SFMBT2: variants seen among roughly 807,000 people sequenced by gnomAD.
The protein encoded by SFMBT2 is scm-like with four MBT domains protein 2.
Under a neutral mutation model 110.1 loss-of-function variants are expected in SFMBT2, and 38 were observed. That is an observed-to-expected ratio of 0.35 (90% CI 0.27 to 0.45). The LOEUF is 0.45. Ranked by LOEUF, SFMBT2 falls within the 20% of genes least tolerant of loss-of-function variation. The probability of loss-of-function intolerance (pLI) is 1.00; values close to 1 mark genes in which losing one functional copy is unlikely to be tolerated. For synonymous variants in SFMBT2, 425 were observed against 425.4 expected (o/e 1.00, Z 0.01); for missense variants, 1,011 against 1,094.9 (o/e 0.92, Z 1.08).
chr10:7,265,573 C>T (rs1841359605), intron 7 of SFMBT2, among the ~76,000 whole-genome samples: 1 of 152,154 alleles, frequency 6.6e-6, no homozygotes, highest in African/African-American at 2.4e-5. Flanking sequence ...TCAGTGCTCT[C>T]AACTCTTTCC....
intron 4 of SFMBT2, among the ~76,000 whole-genome samples, chr10:7,298,049 G>A (rs1842454708): frequency 6.6e-6 from 1 of 152,218 alleles, no homozygotes; most frequent in African/African-American, 2.4e-5. Flanking sequence ...AGGTGGTCGT[G>A]CTGCTGTTGG....
At position 7,170,878 on chromosome 10, in the gene SFMBT2, G is replaced by C; in HGVS notation, c.2544+50C>G. 6.2e-7 allele frequency: 1 copy of C among 1,611,360 alleles called. No individual in the cohort carries two copies. The highest frequency in any genetic ancestry group is 1.1e-5 in the South Asian group (1 of 90,964). Reference sequence around the variant, plus strand: ...CGGCTAGGACACGAGGTTCATTTCAGATGCAGAGTCTCAGCACATCAAACA... The same window carrying C: ...CGGCTAGGACACGAGGTTCATTTCACATGCAGAGTCTCAGCACATCAAACA... On this transcript the variant is annotated intron_variant, in intron 20 of 20. Coordinates refer to ENST00000397167, the MANE Select transcript of SFMBT2 (RefSeq NM_001387889.1). This position sits in a 1 kb window ranked among gnomAD's most constrained non-coding sequence, Gnocchi z 4.6.
chr10:7,228,723 C>CT (rs1275127829), intron 9 of SFMBT2, among the ~76,000 whole-genome samples: 3 of 115,162 alleles, frequency 2.6e-5, no homozygotes, highest in Admixed American at 8.8e-5. Flanking sequence ...TTCTTTCTTT[C>CT]TTTCTTTCTT....
intron 7 of SFMBT2, among the ~76,000 whole-genome samples, chr10:7,254,392 C>G (rs1840926722): frequency 6.6e-6 from 1 of 152,056 alleles, no homozygotes. Context: ...AAGATCCAGA[C>G]TGAGAAGGAA....
Position 7,293,516 on chromosome 10 carries a change from T to C in SFMBT2, c.437-7562A>G, listed in dbSNP as rs1842319871. 1.3e-5 allele frequency among the ~76,000 whole-genome samples: 2 copies of C among 151,842 alleles called. No individual in the cohort carries two copies. Among genetic ancestry groups the C allele is most frequent in the Non-Finnish European group, 2.9e-5 (2 of 67,988 alleles). Reference sequence around the variant, plus strand: ...TGGCCCAAGCACTTGAAGAATGGAGTTGCCCTTTACTGAGATGAGGCAGAT... The same window carrying C: ...TGGCCCAAGCACTTGAAGAATGGAGCTGCCCTTTACTGAGATGAGGCAGAT... On this transcript the variant is annotated intron_variant, in intron 4 of 20. Coordinates refer to ENST00000397167, the MANE Select transcript of SFMBT2 (RefSeq NM_001387889.1). This position sits in a 1 kb window ranked among gnomAD's most constrained non-coding sequence, Gnocchi z 4.6.
At chr10:7,405,855 T>A (rs1846197569) in intron 1 of SFMBT2, among the ~76,000 whole-genome samples, 1 of 98,640 alleles carries the variant, frequency 1.0e-5, no homozygotes, top group Non-Finnish European at 2.0e-5. Flanking sequence ...CTGTCAGGAA[T>A]CTTCCTTAGC....
intron 4 of SFMBT2, among the ~76,000 whole-genome samples, chr10:7,324,874 C>T (rs79310047): frequency 2.2e-3 from 334 of 151,652 alleles, no homozygotes; most frequent in African/African-American, 7.9e-3. Flanking sequence ...TCTCAGGTGC[C>T]TCTTCTTTTA....
At chr10:7,281,188 AT>A (rs1841940578) in intron 6 of SFMBT2, among the ~76,000 whole-genome samples, 1 of 152,174 alleles carries the variant, frequency 6.6e-6, no homozygotes, top group African/African-American at 2.4e-5. Context: ...TGAGGCTGCA[AT>A]GAGCCGAGAT....
chr10:7,255,234 C>T (rs1027539872), intron 7 of SFMBT2, among the ~76,000 whole-genome samples: 1 of 152,088 alleles, frequency 6.6e-6, no homozygotes, highest in Non-Finnish European at 1.5e-5. Context: ...TTCGCCAAAC[C>T]GATTATGTAC....
intron 4 of SFMBT2, among the ~76,000 whole-genome samples, chr10:7,335,883 A>G (rs1843706215): frequency 6.6e-6 from 1 of 152,150 alleles, no homozygotes; most frequent in Non-Finnish European, 1.5e-5. Flanking sequence ...TCTATCCTCA[A>G]AATATTTTTG....
intron 12 of SFMBT2, chr10:7,203,471 A>G: frequency 4.1e-6 from 1 of 242,522 alleles, no homozygotes; most frequent in Non-Finnish European, 6.6e-6. Flanking sequence ...GACAGATCCA[A>G]AATCCTAAAG....
intron 14 of SFMBT2, among the ~76,000 whole-genome samples, chr10:7,199,904 T>C (rs1457603509): frequency 6.6e-6 from 1 of 152,210 alleles, no homozygotes; most frequent in African/African-American, 2.4e-5. Flanking sequence ...AGCTCACAAA[T>C]GTATTTCCAA....
In SFMBT2 at chr10:7,159,733, C is replaced by T. The variant is rs571654080; in HGVS notation, c.*4037G>A. The T allele has an allele frequency of 3.3e-5, 5 of 152,280 alleles. No homozygotes were observed. The South Asian group carries it at 8.3e-4, about 25-fold the overall frequency. 9.4% of individuals were successfully genotyped at this position (152,280 alleles called of 1,614,324 possible). On this transcript the variant is annotated 3_prime_UTR_variant, in exon 21 of 21. Coordinates refer to ENST00000397167, the MANE Select transcript of SFMBT2 (RefSeq NM_001387889.1). ...TCCAAAAGCAGCAAAGATGCTCAAA[C>T]CACAACAAAGATTTTTAACACTACT... is the stretch of plus-strand genomic sequence containing the variant.
rs1391180851 is a variant in SFMBT2, at chr10:7,269,748, GTGTGTGTGTGTC to G, written c.870+7132_870+7143del. Among the ~76,000 whole-genome samples, 12 of 107,522 alleles carry G rather than the reference GTGTGTGTGTGTC, an allele frequency of 1.1e-4. No individual in the cohort carries two copies. In the South Asian group the frequency reaches 1.6e-3, roughly 14 times the overall value. The allele number at this position is 107,522 out of a possible 152,430, so 70.5% of individuals were successfully genotyped here. A position where few individuals can be genotyped will look rare whatever the true frequency, so the allele number is the denominator to read the frequency against. ...TGTGTGTGTGTGTGTGTGTGTGTGT[GTGTGTGTGTGTC>G]TCTTTTTGGATCCTGCACAAAGAAT... On this transcript the variant is annotated intron_variant, in intron 7 of 20. Coordinates refer to ENST00000397167, the MANE Select transcript of SFMBT2 (RefSeq NM_001387889.1).
rs1844949508 is a variant in SFMBT2, at chr10:7,367,682, T to C, written c.403A>G (p.Thr135Ala). ...IADLHPVGWCTQNNKVLMPPD... is the reference protein window; with the variant it reads ...IADLHPVGWCAQNNKVLMPPD... ...GGCATCAACACCTTGTTGTTCTGTG[T>C]GCACCACCCCACGGGGTGCAAATCC... Residue 135 changes from threonine to alanine, a missense_variant, in exon 4 of 21, where the codon ACA becomes GCA. Thr to Ala is a moderately conservative substitution (Grantham distance 58). Transcript: ENST00000397167. This position sits in a 1 kb window ranked among gnomAD's most constrained non-coding sequence, Gnocchi z 6.2. 1 of 1,613,662 alleles carries C rather than the reference T, an allele frequency of 6.2e-7. No homozygotes were observed. The highest frequency in any genetic ancestry group is 8.5e-7 in the Non-Finnish European group (1 of 1,180,020).
rs1839114337 is a variant in SFMBT2 at position 7,205,839 on chromosome 10, A to G, written c.1420T>C (p.Leu474=). 1 of 1,613,996 alleles carries G rather than the reference A, an allele frequency of 6.2e-7. No individual in the cohort carries two copies. Among genetic ancestry groups the G allele is most frequent in the Non-Finnish European group, 8.5e-7 (1 of 1,179,984 alleles). Residue 474 remains leucine (L), a synonymous_variant, in exon 12 of 21, where the codon TTG becomes CTG. Coordinates refer to ENST00000397167, the MANE Select transcript of SFMBT2 (RefSeq NM_001387889.1). ...CAGACTGTTTTGTGTGGTGCAGTCA[A>G]AGGATAAGAATTGGCTTCACACCAG... ...VGWCEANSYP[L]TAPHKTVSQK...
At chr10:7,382,722 T>C (rs573856399) in intron 1 of SFMBT2, among the ~76,000 whole-genome samples, 10 of 152,324 alleles carry the variant, frequency 6.6e-5, no homozygotes, top group African/African-American at 2.4e-4. Flanking sequence ...GTGTTACACA[T>C]GATCTGTTAC....
rs1838499386 is a variant in SFMBT2 at position 7,188,620 on chromosome 10, T to C, written c.1808+4A>G. On this transcript the variant is annotated splice_donor_region_variant and intron_variant, in intron 16 of 20. Coordinates refer to ENST00000397167, the MANE Select transcript of SFMBT2 (RefSeq NM_001387889.1). ...CCTTGCTTTCCAGAATTGAAAACACTTACTTGGCCTTCAGCGTCTCTTCCT... is the reference window on the plus strand; with the variant it reads ...CCTTGCTTTCCAGAATTGAAAACACCTACTTGGCCTTCAGCGTCTCTTCCT... The C allele has an allele frequency of 1.9e-6, 3 of 1,610,954 alleles. No individual in the cohort carries two copies. The highest frequency in any genetic ancestry group is 1.3e-5 in the African/African-American group (1 of 74,946).
At chr10:7,363,956 T>A (rs1480252418) in intron 4 of SFMBT2, among the ~76,000 whole-genome samples, 1 of 152,120 alleles carries the variant, frequency 6.6e-6, no homozygotes, top group Non-Finnish European at 1.5e-5. Context: ...GCCTTTCAAG[T>A]TTAACCACAG....
Sources: gnomAD v4.1 joint callset for allele counts (sites outside exome capture counted in the v4.1 genomes callset) on GRCh38, gnomAD v4.1.1 for gene constraint, Gnocchi (gnomAD v3.1) non-coding constraint, MANE v1.5 for transcripts, NCBI Gene and HGNC (gene_info 2026-07-23, HGNC 2026-07-21) for gene names.